RAP1GDS1: variants seen among roughly 807,000 people sequenced by gnomAD.
The protein encoded by RAP1GDS1 is Rap1 GTPase-GDP dissociation stimulator 1.
Under a neutral mutation model 71.1 loss-of-function variants are expected in RAP1GDS1, and 35 were observed. The observed-to-expected ratio is 0.49, with a 90% CI of 0.38 to 0.65. RAP1GDS1 has a LOEUF of 0.65. Among genes scored for constraint, RAP1GDS1 ranks in the 30% least tolerant of loss-of-function variants. The probability of loss-of-function intolerance (pLI) is 0.00; values close to 1 mark genes in which losing one functional copy is unlikely to be tolerated. For missense variants in RAP1GDS1, 663 were observed against 706.1 expected (o/e 0.94, Z 0.69); for synonymous variants, 229 against 243.1 (o/e 0.94, Z 0.54).
intron 4 of RAP1GDS1, among the ~76,000 whole-genome samples, chr4:98,372,098 T>C (rs12499136): frequency 0.067 from 10,154 of 152,228 alleles, 388 homozygotes; most frequent in Admixed American, 0.14. Flanking sequence ...TTTGTTCCTC[T>C]TTCCCTCTTT....
At chr4:98,441,252 A>T in intron 14 of RAP1GDS1, 1 of 791,934 alleles carries the variant, frequency 1.3e-6, no homozygotes, top group Non-Finnish European at 1.5e-6. Flanking sequence ...TAAGCTTATT[A>T]GACTTCACTC....
At chr4:98,417,565 A>G in intron 9 of RAP1GDS1, 67 bp downstream of exon 9, 1 of 1,493,060 alleles carries the variant, frequency 6.7e-7, no homozygotes, top group East Asian at 2.3e-5. Flanking sequence ...CTTTGCTACC[A>G]CATATACTAA....
In RAP1GDS1 at chr4:98,368,302, C is replaced by T. The variant is rs182497906; in HGVS notation, c.362-10715C>T. ...ACTATAAGACCAATTAAACCTCTTC[C>T]TTTTGTAAATTGCCTAGTCTTGTGT... On this transcript the variant is annotated intron_variant, in intron 4 of 14. Coordinates refer to ENST00000408927, the MANE Select transcript of RAP1GDS1 (RefSeq NM_001100427.2). 3.3e-3 allele frequency among the ~76,000 whole-genome samples: 505 copies of T among 152,298 alleles called. 3 individuals are homozygous for T. The highest frequency in any genetic ancestry group is 6.8e-3 in the Middle Eastern group (2 of 294).
At chr4:98,441,619 A>C in intron 14 of RAP1GDS1, 1 of 984,494 alleles carries the variant, frequency 1.0e-6, no homozygotes, top group Non-Finnish European at 1.2e-6. Flanking sequence ...AAATTGGGCA[A>C]GTAGCTGTGC....
intron 4 of RAP1GDS1, among the ~76,000 whole-genome samples, chr4:98,361,597 T>C (rs77614980): frequency 6.6e-6 from 1 of 152,262 alleles, no homozygotes; most frequent in African/African-American, 2.4e-5. Flanking sequence ...TTAACTAATG[T>C]GAGAAATCTG....
chr4:98,334,978 G>C (rs1336308399), intron 2 of RAP1GDS1, among the ~76,000 whole-genome samples: 2 of 150,094 alleles, frequency 1.3e-5, no homozygotes, highest in Non-Finnish European at 3.0e-5. Flanking sequence ...CTTAATATTT[G>C]CAGGTTTTTT....
chr4:98,334,465 C>CT (rs745699360), intron 2 of RAP1GDS1, among the ~76,000 whole-genome samples: 6 of 152,252 alleles, frequency 3.9e-5, no homozygotes, highest in Non-Finnish European at 5.9e-5. Flanking sequence ...ACAAGTCTAT[C>CT]TTTTGTTTGC....
intron 2 of RAP1GDS1, among the ~76,000 whole-genome samples, chr4:98,321,702 T>C (rs1266717221): frequency 1.5e-5 from 2 of 129,126 alleles, no homozygotes; most frequent in African/African-American, 3.0e-5. Context: ...TAAAATACTT[T>C]ACAGACAAGC....
chr4:98,418,910 C>A, intron 10 of RAP1GDS1, 119 bp downstream of exon 10: 1 of 1,053,534 alleles, frequency 9.5e-7, no homozygotes, highest in Non-Finnish European at 1.3e-6. Context: ...AAAAAATAGT[C>A]TTCACATTGT....
At chr4:98,383,711 A>T (rs1394244578) in intron 5 of RAP1GDS1, among the ~76,000 whole-genome samples, 1 of 151,538 alleles carries the variant, frequency 6.6e-6, no homozygotes. Context: ...AAAGGCCTAT[A>T]CTACTTCTCC....
chr4:98,291,695 A>G (rs1354731425), intron 1 of RAP1GDS1, among the ~76,000 whole-genome samples: 1 of 148,692 alleles, frequency 6.7e-6, no homozygotes. Context: ...TGAATTATAC[A>G]TATTTACTCA....
At chr4:98,280,026 C>G (rs9990962) in intron 1 of RAP1GDS1, among the ~76,000 whole-genome samples, 21,717 of 152,098 alleles carry the variant, frequency 0.14, 2,262 homozygotes, top group African/African-American at 0.29. Flanking sequence ...CATTTGGGTT[C>G]GTTCCCAGTC....
At chr4:98,388,415 C>T (rs546075020) in intron 5 of RAP1GDS1, among the ~76,000 whole-genome samples, 36 of 152,214 alleles carry the variant, frequency 2.4e-4, no homozygotes, top group Admixed American at 1.2e-3. Context: ...CCACTCACCT[C>T]CCAATCTCTT....
At chr4:98,371,505 C>G (rs1740381238) in intron 4 of RAP1GDS1, among the ~76,000 whole-genome samples, 1 of 151,656 alleles carries the variant, frequency 6.6e-6, no homozygotes, top group African/African-American at 2.4e-5. Context: ...TAGATGGAGT[C>G]TTGCTCTGTT....
At chr4:98,325,394 C>G (rs1732846805) in intron 2 of RAP1GDS1, among the ~76,000 whole-genome samples, 1 of 150,882 alleles carries the variant, frequency 6.6e-6, no homozygotes, top group African/African-American at 2.4e-5. Context: ...ACTAGAAATA[C>G]CATTTGACCC....
chr4:98,301,757 A>C (rs192570570), intron 2 of RAP1GDS1, among the ~76,000 whole-genome samples: 19 of 152,328 alleles, frequency 1.2e-4, no homozygotes, highest in Non-Finnish European at 2.6e-4. Context: ...AGATTCTAAC[A>C]TTGGCTACTT....
At chr4:98,355,110 G>GTGTAA (rs2110428529) in intron 4 of RAP1GDS1, among the ~76,000 whole-genome samples, 1 of 152,264 alleles carries the variant, frequency 6.6e-6, no homozygotes, top group East Asian at 1.9e-4. Flanking sequence ...TTGTGTGGTT[G>GTGTAA]ATTTGGGAAT....
At chr4:98,422,145 A>G (rs1748970210) in intron 12 of RAP1GDS1, among the ~76,000 whole-genome samples, 2 of 151,970 alleles carry the variant, frequency 1.3e-5, no homozygotes, top group Middle Eastern at 3.4e-3. Flanking sequence ...GCTTGCAGAG[A>G]GCCGAGATTG....
At chr4:98,377,355 T>A (rs1741315649) in intron 4 of RAP1GDS1, among the ~76,000 whole-genome samples, 1 of 151,864 alleles carries the variant, frequency 6.6e-6, no homozygotes, top group Non-Finnish European at 1.5e-5. Context: ...TTTAGATAAT[T>A]TACATCTATG....
Sources: allele counts gnomAD v4.1 joint callset (sites outside exome capture counted in the v4.1 genomes callset), GRCh38; gene constraint gnomAD v4.1.1; transcripts MANE v1.5; gene names NCBI Gene and HGNC (gene_info 2026-07-23, HGNC 2026-07-21).